Variants in SACS observed in about 807,000 individuals in gnomAD.
SACS encodes sacsin molecular chaperone.
In SACS, 197 loss-of-function variants were observed where a neutral mutation model predicts 348.0. The observed-to-expected ratio is 0.57, with a 90% CI of 0.50 to 0.64. The LOEUF is 0.64. SACS is among the 30% of genes least tolerant of loss of function. The pLI is 0.00. For synonymous variants in SACS, 1,985 were observed against 1,910.6 expected (o/e 1.04, Z -1.02); for missense variants, 4,999 against 5,360.8 (o/e 0.93, Z 2.11).
rs1345151578 is a variant in SACS, at chr13:23,334,600, ATAAC to A, written c.9272_9275del (p.Ser3091MetfsTer2). On this transcript the variant is annotated frameshift_variant, in exon 10 of 10. Transcript: ENST00000382292. LOFTEE classifies it high-confidence loss of function. Reference sequence around the variant, plus strand: ...AAGATCTGATATCAGCAGGGGTCACATAACTAACAGGAATATCTGCATCTATAAG... The same window carrying A: ...AAGATCTGATATCAGCAGGGGTCACATAACAGGAATATCTGCATCTATAAG... 3 of 1,613,582 alleles carry A rather than the reference ATAAC, an allele frequency of 1.9e-6. No homozygotes were observed. The highest frequency in any genetic ancestry group is 2.5e-6 in the Non-Finnish European group (3 of 1,179,778).
chr13:23,343,269 G>GA (rs569430506), intron 9 of SACS, among the ~76,000 whole-genome samples: 8 of 151,612 alleles, frequency 5.3e-5, no homozygotes, highest in Non-Finnish European at 8.8e-5. Context: ...GGAACAAAAT[G>GA]AAAAAAAATA....
chr13:23,329,569 C>A lies in SACS; in HGVS notation c.*567G>T. On this transcript the variant is annotated 3_prime_UTR_variant, in exon 10 of 10. Transcript: ENST00000382292. ...CTCTAAAAAGTACTACCTTCACACTCTTAGTCAAGTAATAGGATTAAAATA... is the reference window on the plus strand; with the variant it reads ...CTCTAAAAAGTACTACCTTCACACTATTAGTCAAGTAATAGGATTAAAATA... The A allele has an allele frequency of 1.6e-6, 1 of 617,940 alleles. No homozygotes were observed. Among genetic ancestry groups the A allele is most frequent in the Non-Finnish European group, 2.9e-6 (1 of 348,968 alleles). The allele number at this position is 617,940 out of a possible 1,614,324, so 38.3% of individuals were successfully genotyped here. A position where few individuals can be genotyped will look rare whatever the true frequency, so the allele number is the denominator to read the frequency against.
intron 2 of SACS, among the ~76,000 whole-genome samples, chr13:23,397,743 A>C (rs1287472951): frequency 2.6e-5 from 4 of 152,218 alleles, no homozygotes; most frequent in Non-Finnish European, 5.9e-5. Context: ...AAAGAGTCAA[A>C]CTCTGTAAAA....
At chr13:23,381,743 A>G (rs533462504) in intron 2 of SACS, among the ~76,000 whole-genome samples, 10 of 151,920 alleles carry the variant, frequency 6.6e-5, no homozygotes, top group African/African-American at 2.2e-4. Flanking sequence ...TATTTTTACT[A>G]TTTCTTGCTT....
intron 2 of SACS, among the ~76,000 whole-genome samples, chr13:23,392,118 C>T (rs891382523): frequency 6.6e-6 from 1 of 152,194 alleles, no homozygotes; most frequent in Non-Finnish European, 1.5e-5. Context: ...TTGACGAGGA[C>T]CTCAGACGGT....
At chr13:23,405,392 A>G (rs1396735677) in intron 2 of SACS, among the ~76,000 whole-genome samples, 2 of 152,218 alleles carry the variant, frequency 1.3e-5, no homozygotes, top group African/African-American at 4.8e-5. Flanking sequence ...CTTACACCTT[A>G]TACAAACATT....
rs779402290 is a variant in SACS, at chr13:23,338,894, C to T, written c.4982G>A (p.Ser1661Asn). The T allele has an allele frequency of 3.1e-6, 5 of 1,612,874 alleles. No homozygotes were observed. The highest frequency in any genetic ancestry group is 4.5e-5 in the East Asian group (2 of 44,878). ...AATATCTGCTGTATTGTAGCACGTA[C>T]TACTAACTTCACTCACTTTTGCTTC... ...QQEAKVSEVS[S>N]TCYNTADIYS... Residue 1661 changes from serine (S) to asparagine (N), a missense_variant, in exon 10 of 10, where the codon AGT (serine) becomes AAT (asparagine). By Grantham distance (46) the Ser-to-Asn change is conservative (BLOSUM62 1). This residue lies in a region of SACS where 3,156 missense variants were observed against 3,380.1 expected (regional missense o/e 0.93). Coordinates refer to ENST00000382292, the MANE Select transcript of SACS (RefSeq NM_014363.6).
chr13:23,396,875 T>C (rs189529034), intron 2 of SACS, among the ~76,000 whole-genome samples: 45 of 152,320 alleles, frequency 3.0e-4, no homozygotes, highest in African/African-American at 1.1e-3. Context: ...TTATACTAAG[T>C]AATAGACATT....
At chr13:23,358,149 G>A (rs1870510032) in intron 7 of SACS, among the ~76,000 whole-genome samples, 186 bp downstream of exon 7, 1 of 152,148 alleles carries the variant, frequency 6.6e-6, no homozygotes, top group Non-Finnish European at 1.5e-5. Context: ...CTTTGGTATT[G>A]TTACTGTGGT....
At chr13:23,392,857 C>A (rs2137901938) in intron 2 of SACS, among the ~76,000 whole-genome samples, 2 of 152,274 alleles carry the variant, frequency 1.3e-5, no homozygotes, top group South Asian at 4.1e-4. Context: ...CTCTCCTGGC[C>A]ACATGTGAAG....
rs1868695544 is a variant in SACS at position 23,337,180 on chromosome 13, G to A, written c.6696C>T (p.Asn2232=). ...PAGFSLDWKG[N]SFKPETMFAA... ...CAAACATGGTTTCAGGCTTAAAACT[G>A]TTGCCTTTCCAGTCCAAAGAAAAAC... Residue 2232 remains asparagine (N), a synonymous_variant, in exon 10 of 10, where the codon AAC becomes AAT. Transcript: ENST00000382292. The A allele has an allele frequency of 3.1e-6, 5 of 1,613,956 alleles. No individual in the cohort carries two copies. Among genetic ancestry groups the A allele is most frequent in the Non-Finnish European group, 2.5e-6 (3 of 1,179,898 alleles).
rs756663705 is a variant in SACS at position 23,340,147 on chromosome 13, T to G, written c.3729A>C (p.Glu1243Asp). 2 of 1,613,682 alleles carry G rather than the reference T, an allele frequency of 1.2e-6. No homozygotes were observed. Among genetic ancestry groups the G allele is most frequent in the Admixed American group, 3.3e-5 (2 of 59,966 alleles). ...AAATATGCTGGAATTGATAGTAGTC[T>G]TCATCACTAAAGGTTTTTGAAGAAT... ...DWYSSKTFSD[E>D]DYYQFQHILL... Residue 1243 changes from glutamate to aspartate, a missense_variant, in exon 10 of 10, where the codon GAA becomes GAC. By Grantham distance (45) the Glu-to-Asp change is conservative (BLOSUM62 2). Transcript: ENST00000382292.
chr13:23,334,361 T>C lies in SACS; in HGVS notation c.9515A>G (p.Lys3172Arg). The stretch of plus-strand genomic sequence containing the variant: ...CAATTCATGATATGTTGTTAGAAAC[T>C]TGGGTCGTTTTGCATCAAAAGTTTG... ...VLQTFDAKRPKFLTTYHELIP... is the reference protein window; with the variant it reads ...VLQTFDAKRPRFLTTYHELIP... Residue 3172 changes from lysine (K) to arginine (R), a missense_variant, in exon 10 of 10, where the codon AAG (lysine) becomes AGG (arginine). Coordinates refer to ENST00000382292, the MANE Select transcript of SACS (RefSeq NM_014363.6). 1 of 1,612,598 alleles carries C rather than the reference T, an allele frequency of 6.2e-7. No homozygotes were observed. Among genetic ancestry groups the C allele is most frequent in the Non-Finnish European group, 8.5e-7 (1 of 1,179,240 alleles).
At chr13:23,373,797 CAAAAAA>C (rs35129279) in intron 3 of SACS, 6 of 121,158 alleles carry the variant, frequency 5.0e-5, no homozygotes, top group Non-Finnish European at 9.8e-5. Flanking sequence ...CTCCGTCTCA[CAAAAAA>C]AAAAAAAAAA....
At chr13:23,343,160 G>A (rs879406334) in intron 9 of SACS, among the ~76,000 whole-genome samples, 3 of 152,180 alleles carry the variant, frequency 2.0e-5, no homozygotes, top group Non-Finnish European at 2.9e-5. Context: ...TTGGGTTGAA[G>A]GGGGCAGTTT....
intron 1 of SACS, chr13:23,427,766 C>T (rs780646585): frequency 2.0e-5 from 3 of 152,252 alleles, no homozygotes; most frequent in South Asian, 2.1e-4. Flanking sequence ...TGAATTGCAC[C>T]GGAGAGAAGG....
rs113993292 is a variant in SACS at position 23,394,812 on chromosome 13, G to A, written c.20+16408C>T. Among the ~76,000 whole-genome samples, 486 of 152,292 alleles carry A rather than the reference G, an allele frequency of 3.2e-3. 4 individuals carry two copies. Among genetic ancestry groups the A allele is most frequent in the African/African-American group, 0.011 (465 of 41,556 alleles). ...AGAGGTTGCAGTGAATCGAGATCGCGCACCTGCACTCCAGACTGGGTGACA... is the reference window on the plus strand; with the variant it reads ...AGAGGTTGCAGTGAATCGAGATCGCACACCTGCACTCCAGACTGGGTGACA... On this transcript the variant is annotated intron_variant, in intron 2 of 9. Coordinates refer to ENST00000382292, the MANE Select transcript of SACS (RefSeq NM_014363.6).
intron 1 of SACS, among the ~76,000 whole-genome samples, chr13:23,433,249 C>G (rs1874508050): frequency 6.6e-6 from 1 of 152,094 alleles, no homozygotes; most frequent in South Asian, 2.1e-4. Flanking sequence ...GCCTGGCAAC[C>G]CGGGTGGAAA....
Position 23,426,638 on chromosome 13 carries a change from TC to T in SACS, c.-502+6976del, listed in dbSNP as rs1248378768. 1.3e-3 allele frequency among the ~76,000 whole-genome samples: 73 copies of T among 56,262 alleles called. No homozygotes were observed. The East Asian group carries it at 0.025, about 19-fold the overall frequency. 36.9% of individuals were successfully genotyped at this position (56,262 alleles called of 152,430 possible). ...CTGGGTGACAGAGTGAGACTCCGTCTCAAAAAAAAAAAAAAAAAAGAAGTAC... is the reference window on the plus strand; with the variant it reads ...CTGGGTGACAGAGTGAGACTCCGTCTAAAAAAAAAAAAAAAAAAGAAGTAC... On this transcript the variant is annotated intron_variant, in intron 1 of 9. Coordinates refer to ENST00000382292, the MANE Select transcript of SACS (RefSeq NM_014363.6).
Sources: allele counts gnomAD v4.1 joint callset (sites outside exome capture counted in the v4.1 genomes callset), GRCh38; gene constraint gnomAD v4.1.1; regional missense constraint gnomAD v4.1.1; transcripts MANE v1.5; gene names NCBI Gene and HGNC (gene_info 2026-07-23, HGNC 2026-07-21).